SLAMF6: variants seen among roughly 807,000 people sequenced by gnomAD.
SLAMF6 encodes NK-T-B-antigen.
Under a neutral mutation model 38.3 loss-of-function variants are expected in SLAMF6, and 21 were observed. That is an observed-to-expected ratio of 0.55 (90% confidence interval 0.39 to 0.79). The LOEUF is 0.79. SLAMF6 is among the 30% of genes least tolerant of loss of function. The pLI is 0.00. For missense variants in SLAMF6, 341 were observed against 385.3 expected (o/e 0.89, Z 0.96); for synonymous variants, 152 against 146.3 (o/e 1.04, Z -0.28).
intron 1 of SLAMF6, among the ~76,000 whole-genome samples, chr1:160,502,083 G>A (rs536099055): frequency 2.0e-5 from 3 of 152,296 alleles, no homozygotes; most frequent in Non-Finnish European, 4.4e-5. Flanking sequence ...GTGGCCCAGA[G>A]GGCACATGGA....
intron 6 of SLAMF6, among the ~76,000 whole-genome samples, chr1:160,488,465 A>G (rs531393655): frequency 6.6e-6 from 1 of 152,236 alleles, no homozygotes; most frequent in East Asian, 1.9e-4. Context: ...TTATTTAGAG[A>G]TGTGCCACCT....
chr1:160,515,959 T>A (rs1400066012), intron 1 of SLAMF6, among the ~76,000 whole-genome samples: 1 of 152,110 alleles, frequency 6.6e-6, no homozygotes, highest in Admixed American at 6.5e-5. Context: ...AAGGATGCCC[T>A]CTCTCACCAC....
chr1:160,500,800 T>G (rs930806696), intron 1 of SLAMF6, among the ~76,000 whole-genome samples: 4 of 152,162 alleles, frequency 2.6e-5, no homozygotes, highest in Non-Finnish European at 4.4e-5. Flanking sequence ...CTTGGAGGTT[T>G]TCTGTCTAGA....
intron 1 of SLAMF6, among the ~76,000 whole-genome samples, chr1:160,513,841 C>T (rs1184712861): frequency 1.3e-5 from 2 of 152,188 alleles, no homozygotes; most frequent in African/African-American, 4.8e-5. Flanking sequence ...CCAGGCTTGA[C>T]TTGCAAGAGC....
chr1:160,509,799 C>A (rs1654381892), intron 1 of SLAMF6, among the ~76,000 whole-genome samples: 1 of 151,992 alleles, frequency 6.6e-6, no homozygotes, highest in African/African-American at 2.4e-5. Context: ...GAGAAATAAT[C>A]AATGAAACCA....
intron 6 of SLAMF6, 74 bp from the exon 7 acceptor site, chr1:160,487,249 G>A: frequency 7.6e-7 from 1 of 1,319,090 alleles, no homozygotes; most frequent in South Asian, 1.3e-5. Context: ...TCTTAGGAAA[G>A]ACTGTGTGAC....
At chr1:160,508,121 C>G (rs897605545) in intron 1 of SLAMF6, among the ~76,000 whole-genome samples, 1 of 152,150 alleles carries the variant, frequency 6.6e-6, no homozygotes, top group Non-Finnish European at 1.5e-5. Flanking sequence ...CCCCATCAAG[C>G]TACCAATGAC....
At chr1:160,510,974 G>A (rs1261577330) in intron 1 of SLAMF6, among the ~76,000 whole-genome samples, 1 of 152,128 alleles carries the variant, frequency 6.6e-6, no homozygotes, top group Non-Finnish European at 1.5e-5. Flanking sequence ...AAGAAAAGCA[G>A]TTCCATGTAC....
chr1:160,487,032 A>T, intron 7 of SLAMF6, 72 bp downstream of exon 7: 1 of 1,353,140 alleles, frequency 7.4e-7, no homozygotes, highest in South Asian at 1.2e-5. Context: ...TTTTATTTTT[A>T]CTTTATTTGA....
intron 1 of SLAMF6, among the ~76,000 whole-genome samples, chr1:160,517,877 G>A (rs905316623): frequency 2.0e-5 from 3 of 152,084 alleles, no homozygotes; most frequent in Non-Finnish European, 4.4e-5. Flanking sequence ...GGGAGGGAGA[G>A]CATTAAGAAA....
chr1:160,521,563 CTCTT>C (rs1654986524), intron 1 of SLAMF6, among the ~76,000 whole-genome samples: 1 of 152,156 alleles, frequency 6.6e-6, no homozygotes, highest in Non-Finnish European at 1.5e-5. Context: ...AGAATTCTCT[CTCTT>C]TCTGCATTTT....
intron 1 of SLAMF6, among the ~76,000 whole-genome samples, chr1:160,499,298 C>T (rs1227238984): frequency 6.6e-6 from 1 of 152,140 alleles, no homozygotes; most frequent in Non-Finnish European, 1.5e-5. Flanking sequence ...TTATCCAGCA[C>T]CATTTATTGA....
chr1:160,515,195 C>A (rs1654678445), intron 1 of SLAMF6, among the ~76,000 whole-genome samples: 1 of 152,102 alleles, frequency 6.6e-6, no homozygotes, highest in Non-Finnish European at 1.5e-5. Flanking sequence ...ACTGACCCCA[C>A]AGAAATAAAA....
At chr1:160,488,272 CA>C (rs1447886914) in intron 6 of SLAMF6, among the ~76,000 whole-genome samples, 1 of 151,978 alleles carries the variant, frequency 6.6e-6, no homozygotes, top group Non-Finnish European at 1.5e-5. Flanking sequence ...TTTGCAAAGG[CA>C]AAAGAAATGT....
chr1:160,489,034 T>C, intron 6 of SLAMF6, 54 bp downstream of exon 6: 1 of 1,499,002 alleles, frequency 6.7e-7, no homozygotes, highest in South Asian at 1.1e-5. Context: ...GACAAGTTTG[T>C]GAACAATGGC....
chr1:160,503,589 T>G (rs1443091412), intron 1 of SLAMF6, among the ~76,000 whole-genome samples: 1 of 152,050 alleles, frequency 6.6e-6, no homozygotes, highest in Non-Finnish European at 1.5e-5. Context: ...AGGGGAATGG[T>G]GACTACTTTG....
chr1:160,516,000 C>T (rs565930409), intron 1 of SLAMF6, among the ~76,000 whole-genome samples: 21 of 152,244 alleles, frequency 1.4e-4, no homozygotes, highest in Admixed American at 1.2e-3. Context: ...GAAGTTCTGA[C>T]CAGGGCAATC....
intron 2 of SLAMF6, among the ~76,000 whole-genome samples, chr1:160,494,193 CT>C (rs1418593292): frequency 2.0e-5 from 3 of 152,106 alleles, no homozygotes; most frequent in Non-Finnish European, 4.4e-5. Flanking sequence ...GTAAAACTAC[CT>C]GGTGTAGCTT....
At chr1:160,493,536 C>A (rs965144332) in intron 2 of SLAMF6, among the ~76,000 whole-genome samples, 2 of 152,172 alleles carry the variant, frequency 1.3e-5, no homozygotes, top group South Asian at 4.1e-4. Flanking sequence ...TCCATGAGGA[C>A]AGTGATCTTT....
Sources: allele counts gnomAD v4.1 joint callset (sites outside exome capture counted in the v4.1 genomes callset), GRCh38; gene constraint gnomAD v4.1.1; transcripts MANE v1.5; gene names NCBI Gene and HGNC (gene_info 2026-07-23, HGNC 2026-07-21).